AGBL1: variants seen among roughly 807,000 people sequenced by gnomAD.
AGBL1 encodes AGBL carboxypeptidase 1.
Under a neutral mutation model 118.9 loss-of-function variants are expected in AGBL1, and 130 were observed. The ratio of observed to expected loss-of-function variants is 1.09; its 90% CI spans 0.95 to 1.26. AGBL1 has a LOEUF of 1.26. Ranked by LOEUF, AGBL1 falls within the 50% of genes most tolerant of loss-of-function variation. The probability of loss-of-function intolerance (pLI) is 0.00; values close to 1 mark genes in which losing one functional copy is unlikely to be tolerated. For missense variants in AGBL1, 1,584 were observed against 1,298.1 expected, an observed-to-expected ratio of 1.22 and a Z score of -3.38; for synonymous variants, 555 against 478.9, an observed-to-expected ratio of 1.16 and a Z score of -2.08.
At chr15:86,579,310 T>C (rs1196605813) in intron 21 of AGBL1, among the ~76,000 whole-genome samples, 1 of 152,220 alleles carries the variant, frequency 6.6e-6, no homozygotes, top group African/African-American at 2.4e-5. Context: ...GTCTTGAATT[T>C]GGTTAAAACA....
At chr15:86,989,679 A>C (rs2081319409) in intron 24 of AGBL1, among the ~76,000 whole-genome samples, 1 of 152,246 alleles carries the variant, frequency 6.6e-6, no homozygotes, top group African/African-American at 2.4e-5. Flanking sequence ...AAACTAAGCA[A>C]ATAAATAATA....
intron 24 of AGBL1, among the ~76,000 whole-genome samples, chr15:87,006,949 T>A (rs2081511539): frequency 6.6e-6 from 1 of 152,154 alleles, no homozygotes; most frequent in African/African-American, 2.4e-5. Flanking sequence ...TTAAGTAGGA[T>A]GGGTTTTGCT....
chr15:86,807,596 C>G (rs938493073), intron 22 of AGBL1, among the ~76,000 whole-genome samples: 1 of 151,908 alleles, frequency 6.6e-6, no homozygotes, highest in Admixed American at 6.6e-5. Context: ...GTCTGTGTAC[C>G]TTGGAAGTCC....
chr15:86,370,373 C>T (rs1186564332), intron 17 of AGBL1, among the ~76,000 whole-genome samples: 4 of 147,848 alleles, frequency 2.7e-5, no homozygotes, highest in South Asian at 4.3e-4. Flanking sequence ...GGCATGATCT[C>T]GGCTCACTGC....
Position 86,198,662 on chromosome 15 carries a change from T to TTC in AGBL1, c.489-26234_489-26233dup, listed in dbSNP as rs148093995. Among the ~76,000 whole-genome samples the TTC allele has an allele frequency of 1.4e-3, 204 of 150,086 alleles. 1 individual carries two copies. Among genetic ancestry groups the TTC allele is most frequent in the African/African-American group, 4.2e-3 (174 of 41,108 alleles). ...ATGGCCTCATGAGAAGAGGAAGATT[T>TTC]TCTCTCTCTCTCTCTCTCTTTCTGT... On this transcript the variant is annotated intron_variant, in intron 5 of 22. Transcript: ENST00000614907.
At chr15:86,835,805 A>G (rs2079162745) in intron 22 of AGBL1, among the ~76,000 whole-genome samples, 1 of 152,170 alleles carries the variant, frequency 6.6e-6, no homozygotes, top group Non-Finnish European at 1.5e-5. Context: ...GGAAGGAGGT[A>G]GGTGTGGAGC....
chr15:86,421,208 A>G (rs1012430884), intron 18 of AGBL1, among the ~76,000 whole-genome samples: 2 of 152,196 alleles, frequency 1.3e-5, no homozygotes, highest in Non-Finnish European at 2.9e-5. Context: ...AAGGGCAGCC[A>G]GAGAGAAAGG....
chr15:86,410,819 T>G lies in AGBL1; in HGVS notation c.2555+13273T>G, dbSNP rs1300067404. Reference sequence around the variant, plus strand: ...AAGGTCAAATGTAGATATATATATATATATATATATATATATATATATAAT... The same window carrying G: ...AAGGTCAAATGTAGATATATATATAGATATATATATATATATATATATAAT... On this transcript the variant is annotated intron_variant, in intron 18 of 22. Transcript: ENST00000614907. Among the ~76,000 whole-genome samples the G allele has an allele frequency of 2.1e-4, 19 of 91,078 alleles. 1 individual carries two copies. In the South Asian group the frequency reaches 4.5e-3, roughly 22 times the overall value. The allele number at this position is 91,078 out of a possible 152,430, so 59.8% of individuals were successfully genotyped here.
chr15:86,890,576 G>A (rs919464292), intron 22 of AGBL1, among the ~76,000 whole-genome samples: 18 of 152,142 alleles, frequency 1.2e-4, no homozygotes, highest in African/African-American at 4.3e-4. Flanking sequence ...TAAGGTATAA[G>A]GAAGAGGTCC....
intron 22 of AGBL1, among the ~76,000 whole-genome samples, chr15:86,686,240 A>C (rs2086053516): frequency 6.6e-6 from 1 of 152,094 alleles, no homozygotes; most frequent in Non-Finnish European, 1.5e-5. Context: ...GGAGAGTTTG[A>C]ATTGACTCCA....
In AGBL1 at chr15:86,264,652, T is replaced by G. The variant is rs750093981; in HGVS notation, c.1481T>G (p.Val494Gly). ...NSTRTREVVKVIDKLLQTHLK... is the reference protein window; with the variant it reads ...NSTRTREVVKGIDKLLQTHLK... The stretch of plus-strand genomic sequence containing the variant: ...ACTAGGACTAGAGAAGTTGTCAAAG[T>G]AATAGATAAGCTTCTGCAGACACAT... Residue 494 changes from valine (V) to glycine (G), a missense_variant, in exon 11 of 23, where the codon GTA (valine) becomes GGA (glycine). Coordinates refer to ENST00000614907, the MANE Select transcript of AGBL1 (RefSeq NM_001386094.1). The G allele has an allele frequency of 9.9e-6, 16 of 1,614,012 alleles. No individual in the cohort carries two copies. Among genetic ancestry groups the G allele is most frequent in the Non-Finnish European group, 1.4e-5 (16 of 1,179,870 alleles).
At chr15:86,776,705 A>G (rs2078259848) in intron 22 of AGBL1, among the ~76,000 whole-genome samples, 1 of 148,636 alleles carries the variant, frequency 6.7e-6, no homozygotes, top group South Asian at 2.1e-4. Flanking sequence ...TTCCTGATTC[A>G]TATTTTATTC....
intron 22 of AGBL1, among the ~76,000 whole-genome samples, chr15:86,787,865 T>C (rs183647500): frequency 3.3e-5 from 5 of 152,342 alleles, no homozygotes; most frequent in East Asian, 1.9e-4. Flanking sequence ...CATCTTTTTT[T>C]TCTTCTTTGA....
chr15:86,228,751 T>A (rs140725784), intron 6 of AGBL1, among the ~76,000 whole-genome samples: 1 of 152,202 alleles, frequency 6.6e-6, no homozygotes, highest in African/African-American at 2.4e-5. Flanking sequence ...AAAGCCAGTG[T>A]AGAATATGTG....
intron 21 of AGBL1, among the ~76,000 whole-genome samples, chr15:86,672,299 G>A (rs577720634): frequency 6.3e-4 from 96 of 152,220 alleles, no homozygotes; most frequent in Admixed American, 3.9e-4. Context: ...AACATCTGGG[G>A]CATCAAATTT....
intron 21 of AGBL1, among the ~76,000 whole-genome samples, chr15:86,579,377 A>G (rs2084142056): frequency 1.3e-5 from 2 of 152,218 alleles, no homozygotes; most frequent in Admixed American, 1.3e-4. Context: ...TTTACTTTTA[A>G]TGTAATATGA....
At chr15:86,082,559 A>G (rs1005280051) in intron 1 of AGBL1, among the ~76,000 whole-genome samples, 23 of 152,214 alleles carry the variant, frequency 1.5e-4, no homozygotes, top group Non-Finnish European at 2.8e-4. Flanking sequence ...TCCCTGTGCT[A>G]TGTTTGTGGA....
At chr15:87,017,889 C>G (rs2081622990) in intron 24 of AGBL1, among the ~76,000 whole-genome samples, 1 of 152,066 alleles carries the variant, frequency 6.6e-6, no homozygotes, top group South Asian at 2.1e-4. Context: ...TGCAGAGAAG[C>G]TATAATCATC....
intron 22 of AGBL1, among the ~76,000 whole-genome samples, chr15:86,807,625 T>G (rs10852080): frequency 6.6e-6 from 1 of 151,794 alleles, no homozygotes; most frequent in Non-Finnish European, 1.5e-5. Context: ...GTGGAAAGTG[T>G]GTTGACCTTG....
Sources: gnomAD v4.1 joint callset for allele counts (sites outside exome capture counted in the v4.1 genomes callset) on GRCh38, gnomAD v4.1.1 for gene constraint, MANE v1.5 for transcripts, NCBI Gene and HGNC (gene_info 2026-07-23, HGNC 2026-07-21) for gene names.